Variants in TANGO6 observed in about 807,000 individuals in gnomAD.
The protein encoded by TANGO6 is transport and golgi organization 6 homolog, also known as transport and Golgi organization protein 6 homolog.
Under a neutral mutation model 114.2 loss-of-function variants are expected in TANGO6, and 90 were observed. That is an observed-to-expected ratio of 0.79 (90% CI 0.66 to 0.94). The LOEUF (loss-of-function observed/expected upper bound fraction) is 0.94. Ranked by LOEUF, TANGO6 falls within the 40% of genes least tolerant of loss-of-function variation. The pLI is 0.00. For missense variants in TANGO6, 1,274 were observed against 1,315.3 expected (o/e 0.97, Z 0.49); for synonymous variants, 477 against 509.8 (o/e 0.94, Z 0.87).
chr16:68,862,354 G>A (rs1031073120), intron 2 of TANGO6, among the ~76,000 whole-genome samples: 7 of 152,110 alleles, frequency 4.6e-5, no homozygotes, highest in African/African-American at 1.4e-4. Context: ...ACACCACCAC[G>A]CCTGACTAAT....
At chr16:68,916,636 T>C (rs1463969428) in intron 11 of TANGO6, among the ~76,000 whole-genome samples, 2 of 152,034 alleles carry the variant, frequency 1.3e-5, no homozygotes, top group Admixed American at 1.3e-4. Context: ...AATTAGACTG[T>C]CAAAATGTCG....
At chr16:68,916,332 A>G (rs960800297) in intron 11 of TANGO6, among the ~76,000 whole-genome samples, 1 of 152,124 alleles carries the variant, frequency 6.6e-6, no homozygotes, top group African/African-American at 2.4e-5. Context: ...TCATAGGAGC[A>G]CAAACCCTGT....
At chr16:68,871,715 G>A (rs1962271783) in intron 4 of TANGO6, among the ~76,000 whole-genome samples, 2 of 152,096 alleles carry the variant, frequency 1.3e-5, no homozygotes, top group Admixed American at 1.3e-4. Flanking sequence ...TGCCTCCCAG[G>A]TTCAAGCAAT....
Position 68,873,555 on chromosome 16 carries a change from C to G in TANGO6, c.995-1599C>G, listed in dbSNP as rs544920085. ...TCTCAAACGCCTGACCTCAGGTGAT[C>G]CACCTGCCTTGGCTTCCCAAAGTGC... On this transcript the variant is annotated intron_variant, in intron 4 of 17. Coordinates refer to ENST00000261778, the MANE Select transcript of TANGO6 (RefSeq NM_024562.2). Among the ~76,000 whole-genome samples the G allele has an allele frequency of 4.1e-4, 63 of 152,282 alleles. 1 individual carries two copies. The highest frequency in any genetic ancestry group is 1.5e-3 in the African/African-American group (63 of 41,564).
intron 17 of TANGO6, among the ~76,000 whole-genome samples, chr16:69,070,478 C>T (rs148623441): frequency 0.028 from 4,297 of 150,896 alleles, 212 homozygotes; most frequent in African/African-American, 0.098. Flanking sequence ...AATAAAAATA[C>T]AAAAATTAGC....
At chr16:69,070,422 C>T (rs928900758) in intron 17 of TANGO6, among the ~76,000 whole-genome samples, 2 of 151,822 alleles carry the variant, frequency 1.3e-5, no homozygotes, top group African/African-American at 4.8e-5. Flanking sequence ...CACCTGAGGT[C>T]AGAAGTTTAA....
intron 7 of TANGO6, among the ~76,000 whole-genome samples, chr16:68,897,692 C>T (rs1367205548): frequency 1.3e-5 from 2 of 151,728 alleles, no homozygotes; most frequent in Non-Finnish European, 2.9e-5. Context: ...GATTCTCCTG[C>T]CTCAGCTTCC....
chr16:69,024,862 C>T (rs910407965), intron 16 of TANGO6, among the ~76,000 whole-genome samples: 14 of 152,098 alleles, frequency 9.2e-5, no homozygotes, highest in Admixed American at 7.2e-4. Flanking sequence ...GGCTGGAGTG[C>T]GGTGGTGCAG....
At chr16:68,870,767 A>G (rs1421505243) in intron 4 of TANGO6, among the ~76,000 whole-genome samples, 2 of 148,090 alleles carry the variant, frequency 1.4e-5, no homozygotes, top group Non-Finnish European at 3.0e-5. Flanking sequence ...TTTAGTTGCC[A>G]TTTCTTTTAG....
chr16:68,938,541 T>C (rs1467719487), intron 14 of TANGO6, among the ~76,000 whole-genome samples: 1 of 152,172 alleles, frequency 6.6e-6, no homozygotes, highest in African/African-American at 2.4e-5. Context: ...TCCATTTTAG[T>C]TGGATATGAG....
At chr16:68,928,647 A>G (rs949923971) in intron 13 of TANGO6, among the ~76,000 whole-genome samples, 2 of 152,132 alleles carry the variant, frequency 1.3e-5, no homozygotes, top group Non-Finnish European at 2.9e-5. Flanking sequence ...CAGGAAAAAG[A>G]GAAAGTTGAA....
chr16:68,964,346 C>G (rs886273502), intron 14 of TANGO6, among the ~76,000 whole-genome samples: 6 of 151,826 alleles, frequency 4.0e-5, no homozygotes, highest in African/African-American at 9.7e-5. Flanking sequence ...TAGAAAGTCT[C>G]TCTCTCTCAC....
chr16:68,877,231 A>T (rs1306387897), intron 5 of TANGO6, among the ~76,000 whole-genome samples: 3 of 152,282 alleles, frequency 2.0e-5, no homozygotes, highest in South Asian at 2.1e-4. Flanking sequence ...GCACTTTGGG[A>T]GGCTGAGGCG....
At chr16:68,875,701 G>A (rs527556279) in intron 5 of TANGO6, among the ~76,000 whole-genome samples, 4 of 151,958 alleles carry the variant, frequency 2.6e-5, no homozygotes, top group South Asian at 4.2e-4. Context: ...CCCGGGAGGC[G>A]GAGGTTGCCG....
Position 68,957,426 on chromosome 16 carries a change from C to T in TANGO6, c.2702-16602C>T, listed in dbSNP as rs1963542887. Among the ~76,000 whole-genome samples, 3 of 141,192 alleles carry T rather than the reference C, an allele frequency of 2.1e-5. No homozygotes were observed. The South Asian group carries it at 6.7e-4, about 32-fold the overall frequency. The allele number at this position is 141,192 out of a possible 152,430, so 92.6% of individuals were successfully genotyped here. ...TTTTTTTTTTTTTTTGAGACAGTGT[C>T]TCGCTCTGTCACCCAGCCTGGAGTG... is the stretch of plus-strand genomic sequence containing the variant. On this transcript the variant is annotated intron_variant, in intron 14 of 17. Transcript: ENST00000261778.
At chr16:68,921,118 CAAAAA>C (rs374286269) in intron 12 of TANGO6, among the ~76,000 whole-genome samples, 20 of 55,736 alleles carry the variant, frequency 3.6e-4, no homozygotes, top group African/African-American at 1.3e-3. Context: ...GACTCTGTCT[CAAAAA>C]AAAAAAAAAA....
chr16:69,072,122 CGTGTGTGTGT>C (rs10687062), intron 17 of TANGO6, among the ~76,000 whole-genome samples: 3 of 116,680 alleles, frequency 2.6e-5, no homozygotes, highest in East Asian at 2.5e-4. Context: ...AGAGGGAGAC[CGTGTGTGTGT>C]GTGTGTGTGT....
Position 68,900,531 on chromosome 16 carries a change from G to A in TANGO6, c.1475G>A (p.Ser492Asn), listed in dbSNP as rs1209137921. 1.9e-6 allele frequency: 3 copies of A among 1,613,338 alleles called. No individual in the cohort carries two copies. The African/African-American group carries it at 4.0e-5, about 22-fold the overall frequency. Residue 492 changes from serine (S) to asparagine (N), a missense_variant, in exon 8 of 18, where the codon AGT becomes AAT. Physicochemically the swap from Ser to Asn is conservative, Grantham distance 46 (BLOSUM62 1). Around this residue, in one of 5 missense-constraint regions of TANGO6, gnomAD observed 908 missense variants for 910.2 expected, o/e 1.00. Coordinates refer to ENST00000261778, the MANE Select transcript of TANGO6 (RefSeq NM_024562.2). ...CTTCTCTACTGTTTTACTAAGCAGA[G>A]TGTGTCTCACATAAGGTAAACAATC... ...LFLLYCFTKQ[S>N]VSHIRSLCQE...
At chr16:69,059,132 T>G (rs1436349000) in intron 17 of TANGO6, among the ~76,000 whole-genome samples, 1 of 151,680 alleles carries the variant, frequency 6.6e-6, no homozygotes, top group Admixed American at 6.6e-5. Context: ...TGGAGTGCAT[T>G]GGCGCTATCA....
Sources: gnomAD v4.1 joint callset for allele counts (sites outside exome capture counted in the v4.1 genomes callset) on GRCh38, gnomAD v4.1.1 for gene constraint, gnomAD v4.1.1 regional missense constraint, MANE v1.5 for transcripts, NCBI Gene and HGNC (gene_info 2026-07-23, HGNC 2026-07-21) for gene names.